The following SGCZ variants were observed in gnomAD, a reference collection of about 807,000 sequenced individuals.
SGCZ encodes zeta-sarcoglycan.
SGCZ carries 40 observed loss-of-function variants against 41.3 expected under a neutral mutation model. The observed-to-expected ratio is 0.97, with a 90% CI of 0.75 to 1.26. SGCZ has a LOEUF of 1.26. Among genes scored for constraint, SGCZ ranks in the 50% most tolerant of loss-of-function variants. SGCZ has a pLI of 0.00. For missense variants in SGCZ, 552 were observed against 369.8 expected, an observed-to-expected ratio of 1.49 and a Z score of -4.04; for synonymous variants, 206 against 137.5, an observed-to-expected ratio of 1.50 and a Z score of -3.49.
chr8:14,524,122 T>C (rs1353934958), intron 2 of SGCZ, among the ~76,000 whole-genome samples: 1 of 152,114 alleles, frequency 6.6e-6, no homozygotes, highest in Non-Finnish European at 1.5e-5. Context: ...TGACATCTTC[T>C]TGAATATTCA....
intron 1 of SGCZ, among the ~76,000 whole-genome samples, chr8:14,646,388 T>C (rs1255362969): frequency 3.9e-5 from 6 of 152,078 alleles, no homozygotes; most frequent in South Asian, 2.1e-4. Context: ...GATTTTTTTC[T>C]TTTTCATGGC....
chr8:15,133,998 CTA>C (rs1453345861), intron 1 of SGCZ, among the ~76,000 whole-genome samples: 1 of 152,048 alleles, frequency 6.6e-6, no homozygotes, highest in Non-Finnish European at 1.5e-5. Flanking sequence ...AATATTAACT[CTA>C]TTAATATTAA....
chr8:14,983,992 T>A (rs1445854216), intron 1 of SGCZ, among the ~76,000 whole-genome samples: 1 of 152,178 alleles, frequency 6.6e-6, no homozygotes, highest in Non-Finnish European at 1.5e-5. Context: ...AATCAGTACT[T>A]AACATTTATA....
intron 1 of SGCZ, among the ~76,000 whole-genome samples, chr8:15,226,630 T>C (rs1020424536): frequency 1.3e-5 from 2 of 152,166 alleles, no homozygotes; most frequent in African/African-American, 2.4e-5. Context: ...TCCCAACTTA[T>C]TCTAAAATGA....
intron 4 of SGCZ, among the ~76,000 whole-genome samples, chr8:14,178,113 AC>A (rs1402227650): frequency 2.0e-5 from 3 of 149,854 alleles, no homozygotes; most frequent in African/African-American, 7.3e-5. Context: ...ATGAGCCATC[AC>A]CCCCGGCTAA....
intron 1 of SGCZ, among the ~76,000 whole-genome samples, chr8:14,846,705 A>AAAAAC (rs1803121431): frequency 1.6e-5 from 1 of 61,500 alleles, no homozygotes; most frequent in Non-Finnish European, 3.3e-5. Flanking sequence ...TTTAAATCCA[A>AAAAAC]AAAAAAAAAA....
intron 1 of SGCZ, among the ~76,000 whole-genome samples, chr8:15,202,163 A>G (rs1800910400): frequency 6.6e-6 from 1 of 152,234 alleles, no homozygotes; most frequent in African/African-American, 2.4e-5. Context: ...AAAGCAAAGG[A>G]GGAATCTAAA....
At chr8:14,834,434 T>C (rs1330925679) in intron 1 of SGCZ, among the ~76,000 whole-genome samples, 1 of 152,200 alleles carries the variant, frequency 6.6e-6, no homozygotes, top group African/African-American at 2.4e-5. Flanking sequence ...TTTTTCATGC[T>C]ACATGTTAAT....
chr8:14,909,168 A>G (rs891792115), intron 1 of SGCZ, among the ~76,000 whole-genome samples: 2 of 152,136 alleles, frequency 1.3e-5, no homozygotes, highest in African/African-American at 4.8e-5. Flanking sequence ...CCCACTCCTT[A>G]TATCAATTAC....
At chr8:14,981,119 A>G (rs915431800) in intron 1 of SGCZ, among the ~76,000 whole-genome samples, 1 of 152,188 alleles carries the variant, frequency 6.6e-6, no homozygotes, top group African/African-American at 2.4e-5. Flanking sequence ...GCTGTGGAAT[A>G]GAGCACATTC....
At chr8:15,155,335 C>T (rs1179539672) in intron 1 of SGCZ, among the ~76,000 whole-genome samples, 1 of 152,122 alleles carries the variant, frequency 6.6e-6, no homozygotes, top group East Asian at 1.9e-4. Context: ...AATTAATATG[C>T]TATCATAATT....
At chr8:14,762,123 A>G (rs995131294) in intron 1 of SGCZ, among the ~76,000 whole-genome samples, 1 of 152,174 alleles carries the variant, frequency 6.6e-6, no homozygotes, top group Non-Finnish European at 1.5e-5. Context: ...GAAGCGTTCT[A>G]TCTACTTCTA....
Position 14,270,491 on chromosome 8 carries a change from A to G in SGCZ, c.337-32812T>C, listed in dbSNP as rs147376828. On this transcript the variant is annotated intron_variant, in intron 3 of 7. Transcript: ENST00000382080. ...GCTTCAGTTTTTCTAAATCTAAATCAACATGGCCCAAGCTTCAGGCTAAAC... is the reference window on the plus strand; with the variant it reads ...GCTTCAGTTTTTCTAAATCTAAATCGACATGGCCCAAGCTTCAGGCTAAAC... Among the ~76,000 whole-genome samples, 520 of 152,294 alleles carry G rather than the reference A, an allele frequency of 3.4e-3. 2 individuals carry two copies. The highest frequency in any genetic ancestry group is 0.011 in the African/African-American group (456 of 41,568).
chr8:14,767,790 A>T (rs34665037), intron 1 of SGCZ, among the ~76,000 whole-genome samples: 53,704 of 152,084 alleles, frequency 0.35, 11,299 homozygotes, highest in East Asian at 0.51. Flanking sequence ...TTCTGTGTAA[A>T]GCACTGTGAA....
intron 4 of SGCZ, among the ~76,000 whole-genome samples, chr8:14,218,465 T>A (rs1198533948): frequency 6.6e-6 from 1 of 152,212 alleles, no homozygotes; most frequent in Non-Finnish European, 1.5e-5. Flanking sequence ...GTTCCCAGAT[T>A]AGAAAACTCA....
chr8:14,573,087 T>C (rs1220167738), intron 1 of SGCZ, among the ~76,000 whole-genome samples: 1 of 152,168 alleles, frequency 6.6e-6, no homozygotes, highest in Non-Finnish European at 1.5e-5. Flanking sequence ...TGGTAGGTAG[T>C]TATTATATGT....
intron 2 of SGCZ, among the ~76,000 whole-genome samples, chr8:14,342,978 G>A (rs1585386461): frequency 6.6e-6 from 1 of 152,122 alleles, no homozygotes; most frequent in Non-Finnish European, 1.5e-5. Flanking sequence ...TTGGTGCCCT[G>A]TGTCCCAGCC....
intron 4 of SGCZ, among the ~76,000 whole-genome samples, chr8:14,223,928 A>G (rs1457664303): frequency 6.6e-6 from 1 of 152,200 alleles, no homozygotes; most frequent in Admixed American, 6.6e-5. Context: ...CACTTATCCC[A>G]TCTCAATCAT....
intron 1 of SGCZ, among the ~76,000 whole-genome samples, chr8:14,665,316 T>A (rs1466624154): frequency 2.0e-5 from 3 of 152,168 alleles, no homozygotes; most frequent in African/African-American, 7.2e-5. Context: ...TCCAGCTTCA[T>A]CCATGTCCCT....
Sources: gnomAD v4.1 joint callset for allele counts (sites outside exome capture counted in the v4.1 genomes callset) on GRCh38, gnomAD v4.1.1 for gene constraint, MANE v1.5 for transcripts, NCBI Gene and HGNC (gene_info 2026-07-23, HGNC 2026-07-21) for gene names.